The following KIAA1549 variants were observed in gnomAD, a reference collection of about 807,000 sequenced individuals.
The protein encoded by KIAA1549 is UPF0606 protein KIAA1549.
In KIAA1549, 70 loss-of-function variants were observed where a neutral mutation model predicts 156.4. The observed-to-expected ratio is 0.45, with a 90% CI of 0.37 to 0.55. KIAA1549 has a LOEUF of 0.55. Ranked by LOEUF, KIAA1549 falls within the 20% of genes least tolerant of loss-of-function variation. KIAA1549 has a pLI of 0.00. For synonymous variants in KIAA1549, 1,103 were observed against 1,066.4 expected, an observed-to-expected ratio of 1.03 and a Z score of -0.67; for missense variants, 2,428 against 2,540.9, an observed-to-expected ratio of 0.96 and a Z score of 0.96.
chr7:138,939,241 T>C (rs755663943), intron 1 of KIAA1549, among the ~76,000 whole-genome samples: 2 of 152,192 alleles, frequency 1.3e-5, no homozygotes, highest in African/African-American at 4.8e-5. Context: ...AAATTAAAAA[T>C]AATTCCTAAT....
intron 19 of KIAA1549, 77 bp downstream of exon 19, chr7:138,840,056 C>T: frequency 1.5e-6 from 2 of 1,330,848 alleles, no homozygotes; most frequent in South Asian, 1.5e-5. Flanking sequence ...TCCCAAAGTG[C>T]TGGGATTACA....
At chr7:138,871,447 G>A (rs1453685171) in intron 12 of KIAA1549, 85 bp from the exon 13 acceptor site, 1 of 1,249,614 alleles carries the variant, frequency 8.0e-7, no homozygotes, top group East Asian at 2.6e-5. Flanking sequence ...ATTCTTTAAA[G>A]AATCTTTGGA....
chr7:138,955,889 G>C (rs1384697347), intron 1 of KIAA1549, among the ~76,000 whole-genome samples: 1 of 152,090 alleles, frequency 6.6e-6, no homozygotes, highest in Non-Finnish European at 1.5e-5. Context: ...ACTGACGGTT[G>C]TTTTTTGGGG....
At chr7:138,951,333 T>C (rs987255695) in intron 1 of KIAA1549, among the ~76,000 whole-genome samples, 1 of 152,126 alleles carries the variant, frequency 6.6e-6, no homozygotes, top group Non-Finnish European at 1.5e-5. Flanking sequence ...CCCACTTCTT[T>C]AGATCTCTCT....
At position 138,919,038 on chromosome 7, in the gene KIAA1549, T is replaced by G; in HGVS notation, c.588A>C (p.Pro196=). ...CTTGTAAAGAAACCATGGGTAATGA[T>G]GGAGTGAGCATAGGTTCTAATGCTT... is the stretch of plus-strand genomic sequence containing the variant. The part of the protein sequence containing the change: ...PREALEPMLT[P]SLPMVSLQDE... Residue 196 remains proline, a synonymous_variant, in exon 2 of 20, where the codon CCA becomes CCC. Transcript: ENST00000422774. 1 of 1,614,010 alleles carries G rather than the reference T, an allele frequency of 6.2e-7. No homozygotes were observed. The highest frequency in any genetic ancestry group is 1.1e-5 in the South Asian group (1 of 91,082).
chr7:138,871,447 G>T, intron 12 of KIAA1549, 85 bp from the exon 13 acceptor site: 1 of 1,249,732 alleles, frequency 8.0e-7, no homozygotes, highest in Non-Finnish European at 1.1e-6. Context: ...ATTCTTTAAA[G>T]AATCTTTGGA....
chr7:138,910,310 G>C lies in KIAA1549; in HGVS notation c.3145+836C>G, dbSNP rs138726951. On this transcript the variant is annotated intron_variant, in intron 4 of 19. Coordinates refer to ENST00000422774, the MANE Select transcript of KIAA1549 (RefSeq NM_001164665.2). ...CCCAGCACTTTGGGAGGCCAAGACA[G>C]GAGGATCGCTTGAGCCCAGGAGTTC... is the stretch of plus-strand genomic sequence containing the variant. Among the ~76,000 whole-genome samples, 751 of 152,176 alleles carry C rather than the reference G, an allele frequency of 4.9e-3. 3 individuals carry two copies. The highest frequency in any genetic ancestry group is 0.01 in the Middle Eastern group (3 of 294).
chr7:138,977,793 T>C (rs1460193995), intron 1 of KIAA1549, among the ~76,000 whole-genome samples: 1 of 152,026 alleles, frequency 6.6e-6, no homozygotes, highest in African/African-American at 2.4e-5. Context: ...TCTGCCTCCC[T>C]GGTTCGAGCA....
chr7:138,909,790 T>C (rs1012333361), intron 4 of KIAA1549, among the ~76,000 whole-genome samples: 2 of 151,858 alleles, frequency 1.3e-5, no homozygotes, highest in African/African-American at 2.4e-5. Context: ...CTACTAAAAA[T>C]ACAAAAATTA....
chr7:138,840,246 T>G lies in KIAA1549; in HGVS notation c.5485A>C (p.Ile1829Leu), dbSNP rs545361745. The G allele has an allele frequency of 8.2e-6, 13 of 1,594,294 alleles. No individual in the cohort carries two copies. The South Asian group carries it at 1.5e-4, about 18-fold the overall frequency. The change falls in exon 19 of 20, where the codon ATT becomes CTT. Residue 1829 changes from isoleucine to leucine, a missense_variant. By Grantham distance (5) the Ile-to-Leu change is conservative. This residue lies in a region of KIAA1549 where 363 missense variants were observed against 354.0 expected (regional missense o/e 1.03). Coordinates refer to ENST00000422774, the MANE Select transcript of KIAA1549 (RefSeq NM_001164665.2). ...SQIQHLTQVGIASRIGAQPVE... is the reference protein window; with the variant it reads ...SQIQHLTQVGLASRIGAQPVE... ...GGCTGAGCTCCAATTCTGCTGGCAA[T>G]CCCCACCTGTGTCAGGTGCTGGATC...
intron 1 of KIAA1549, among the ~76,000 whole-genome samples, chr7:138,939,270 T>G (rs189191046): frequency 9.8e-5 from 15 of 152,348 alleles, no homozygotes; most frequent in Admixed American, 8.5e-4. Context: ...ATTATGCATT[T>G]CAAACTTGGT....
intron 1 of KIAA1549, among the ~76,000 whole-genome samples, chr7:138,926,256 C>T (rs965826061): frequency 1.3e-5 from 2 of 152,086 alleles, no homozygotes; most frequent in East Asian, 1.9e-4. Flanking sequence ...TCCCCAACTT[C>T]GCAATCTCCA....
At chr7:138,933,704 G>A (rs1584767168) in intron 1 of KIAA1549, among the ~76,000 whole-genome samples, 4 of 152,232 alleles carry the variant, frequency 2.6e-5, no homozygotes, top group Non-Finnish European at 1.5e-5. Context: ...AGTGGCTCAT[G>A]CCTGTAATCC....
At chr7:138,960,585 C>T (rs1400416823) in intron 1 of KIAA1549, among the ~76,000 whole-genome samples, 1 of 152,090 alleles carries the variant, frequency 6.6e-6, no homozygotes, top group East Asian at 1.9e-4. Flanking sequence ...GCTGGGATTA[C>T]AGGCATGAGC....
chr7:138,903,062 C>T (rs1563070137), intron 8 of KIAA1549, among the ~76,000 whole-genome samples: 1 of 152,030 alleles, frequency 6.6e-6, no homozygotes, highest in Admixed American at 6.5e-5. Flanking sequence ...CGATTTTGCT[C>T]AGAAAATAAA....
At position 138,917,965 on chromosome 7, in the gene KIAA1549, G is replaced by C; in HGVS notation, c.1661C>G (p.Thr554Ser). 6.3e-7 allele frequency: 1 copy of C among 1,591,884 alleles called. No homozygotes were observed. The highest frequency in any genetic ancestry group is 8.6e-7 in the Non-Finnish European group (1 of 1,169,088). ...GGTGATGACCGAGAAAAATGCAGTG[G>C]TCACGCTGGATGGCGTCACTTGGGT... ...AETQVTPSSV[T>S]TAFFSVITSI... is the part of the protein sequence containing the mutation. Residue 554 changes from threonine (T) to serine (S), a missense_variant, in exon 2 of 20, where the codon ACC (threonine) becomes AGC (serine). Transcript: ENST00000422774.
chr7:138,908,264 G>A (rs1292836859), intron 5 of KIAA1549, among the ~76,000 whole-genome samples: 1 of 152,002 alleles, frequency 6.6e-6, no homozygotes, highest in Non-Finnish European at 1.5e-5. Flanking sequence ...AACAGAAGAC[G>A]CATTTTAACA....
intron 12 of KIAA1549, among the ~76,000 whole-genome samples, chr7:138,874,418 G>C (rs761030434): frequency 5.9e-5 from 9 of 152,142 alleles, no homozygotes; most frequent in Non-Finnish European, 1.3e-4. Flanking sequence ...AAGTATGTGA[G>C]GTAATGTATA....
intron 1 of KIAA1549, among the ~76,000 whole-genome samples, chr7:138,961,077 C>A (rs1473370448): frequency 6.6e-6 from 1 of 152,246 alleles, no homozygotes; most frequent in Non-Finnish European, 1.5e-5. Flanking sequence ...GCCATCTGTC[C>A]TGCACTTGGA....
Sources: gnomAD v4.1 joint callset for allele counts (sites outside exome capture counted in the v4.1 genomes callset) on GRCh38, gnomAD v4.1.1 for gene constraint, gnomAD v4.1.1 regional missense constraint, MANE v1.5 for transcripts, NCBI Gene and HGNC (gene_info 2026-07-23, HGNC 2026-07-21) for gene names.